Variants in NAALADL2 observed in about 807,000 individuals in gnomAD.
NAALADL2 encodes the protein N-acetylated alpha-linked acidic dipeptidase like 2.
In NAALADL2, 76 loss-of-function variants were observed where a neutral mutation model predicts 87.2. The observed-to-expected ratio is 0.87, with a 90% CI of 0.72 to 1.05. NAALADL2 has a LOEUF of 1.05. Among genes scored for constraint, NAALADL2 ranks in the 50% least tolerant of loss-of-function variants. The probability of loss-of-function intolerance (pLI) is 0.00; values close to 1 mark genes in which losing one functional copy is unlikely to be tolerated. For missense variants in NAALADL2, 1,089 were observed against 945.8 expected (o/e 1.15, Z -1.99); for synonymous variants, 354 against 331.0 (o/e 1.07, Z -0.75).
chr3:175,210,212 T>G (rs940920617), intron 2 of NAALADL2, among the ~76,000 whole-genome samples: 2 of 151,812 alleles, frequency 1.3e-5, no homozygotes, highest in Non-Finnish European at 2.9e-5. Flanking sequence ...GAAAAGAGAC[T>G]ACTCAAACTA....
At chr3:175,374,607 T>C (rs1181202084) in intron 5 of NAALADL2, among the ~76,000 whole-genome samples, 1 of 133,726 alleles carries the variant, frequency 7.5e-6, no homozygotes, top group Non-Finnish European at 1.6e-5. Context: ...AGGCCAGGTG[T>C]GGTGGCTGTA....
intron 5 of NAALADL2, among the ~76,000 whole-genome samples, chr3:175,391,196 C>G (rs151225712): frequency 6.6e-6 from 1 of 152,088 alleles, no homozygotes; most frequent in Non-Finnish European, 1.5e-5. Context: ...ATTGAGAAAC[C>G]CTTTCTCTTC....
At chr3:174,799,850 G>A (rs530236261) in intron 3 of NAALADL2, among the ~76,000 whole-genome samples, 1 of 152,298 alleles carries the variant, frequency 6.6e-6, no homozygotes, top group Non-Finnish European at 1.5e-5. Context: ...TAAGGTCCAG[G>A]ATGAGGTGGT....
intron 10 of NAALADL2, among the ~76,000 whole-genome samples, chr3:175,588,643 A>G (rs577682261): frequency 7.1e-6 from 1 of 141,038 alleles, no homozygotes; most frequent in Admixed American, 8.0e-5. Context: ...GGTTCACGCC[A>G]TTCACCTGCC....
At chr3:174,776,795 T>G (rs899729749) in intron 3 of NAALADL2, among the ~76,000 whole-genome samples, 3 of 152,184 alleles carry the variant, frequency 2.0e-5, no homozygotes, top group African/African-American at 7.2e-5. Flanking sequence ...CCATTGATTC[T>G]GTTATGAATA....
intron 9 of NAALADL2, among the ~76,000 whole-genome samples, chr3:175,491,569 G>C (rs1331198126): frequency 6.6e-6 from 1 of 152,074 alleles, no homozygotes; most frequent in Non-Finnish European, 1.5e-5. Flanking sequence ...GTTATTTACT[G>C]TTTCATTTAT....
intron 1 of NAALADL2, among the ~76,000 whole-genome samples, chr3:175,066,564 T>C (rs1406898946): frequency 6.6e-6 from 1 of 152,154 alleles, no homozygotes; most frequent in Admixed American, 6.6e-5. Context: ...TTGTGGCTGT[T>C]ACACAACTGC....
intron 10 of NAALADL2, among the ~76,000 whole-genome samples, chr3:175,588,696 A>G (rs1382172898): frequency 6.6e-6 from 1 of 151,456 alleles, no homozygotes; most frequent in Non-Finnish European, 1.5e-5. Flanking sequence ...CTGCCACCAC[A>G]CCTGGCTAAT....
chr3:175,426,085 C>T (rs905438099), intron 5 of NAALADL2, among the ~76,000 whole-genome samples: 5 of 152,062 alleles, frequency 3.3e-5, no homozygotes, highest in Admixed American at 6.6e-5. Context: ...GACTTATGGC[C>T]GGGTGCAGTG....
At chr3:175,330,514 C>G (rs1329834702) in intron 5 of NAALADL2, among the ~76,000 whole-genome samples, 5 of 151,516 alleles carry the variant, frequency 3.3e-5, no homozygotes, top group African/African-American at 1.2e-4. Context: ...AAATCAATAA[C>G]AAGAGGAATT....
chr3:174,512,543 C>T (rs961340162), intron 1 of NAALADL2, among the ~76,000 whole-genome samples: 7 of 152,150 alleles, frequency 4.6e-5, no homozygotes, highest in African/African-American at 1.2e-4. Context: ...ACTCACACGT[C>T]GGCAGATCAA....
Position 175,119,692 on chromosome 3 carries a change from T to TATAG in NAALADL2, c.545+22404_545+22405insGATA, listed in dbSNP as rs374637601. Among the ~76,000 whole-genome samples, 109 of 145,324 alleles carry TATAG rather than the reference T, an allele frequency of 7.5e-4. No individual in the cohort carries two copies. The East Asian group carries it at 0.017, about 23-fold the overall frequency. On this transcript the variant is annotated intron_variant, in intron 2 of 13. Coordinates refer to ENST00000454872, the MANE Select transcript of NAALADL2 (RefSeq NM_207015.3). ...GAGGAGTCACTTAGTAAGGTGTGTA[T>TATAG]ATATAGATATAGATATAGATATATA... is the stretch of plus-strand genomic sequence containing the variant.
At chr3:174,850,056 C>A (rs926025590) in intron 3 of NAALADL2, among the ~76,000 whole-genome samples, 1 of 152,112 alleles carries the variant, frequency 6.6e-6, no homozygotes, top group African/African-American at 2.4e-5. Context: ...GAGTGAAGAA[C>A]TTCCTTAGCA....
intron 3 of NAALADL2, among the ~76,000 whole-genome samples, chr3:175,245,460 C>G (rs1011922932): frequency 6.6e-6 from 1 of 152,080 alleles, no homozygotes; most frequent in Non-Finnish European, 1.5e-5. Context: ...ATAATTTTAA[C>G]TTTTTTTGTC....
At chr3:175,616,175 G>A (rs111376565) in intron 10 of NAALADL2, among the ~76,000 whole-genome samples, 7 of 146,972 alleles carry the variant, frequency 4.8e-5, no homozygotes, top group South Asian at 2.1e-4. Context: ...ATATAAATGT[G>A]TCTATATTTT....
intron 2 of NAALADL2, among the ~76,000 whole-genome samples, chr3:175,218,785 T>TATTTA (rs1710324150): frequency 6.6e-6 from 1 of 151,664 alleles, no homozygotes; most frequent in African/African-American, 2.4e-5. Flanking sequence ...TTCATTTCAT[T>TATTTA]ATTTTATTTT....
chr3:174,861,021 G>C (rs935722425), intron 1 of NAALADL2, among the ~76,000 whole-genome samples: 2 of 152,064 alleles, frequency 1.3e-5, no homozygotes, highest in African/African-American at 2.4e-5. Flanking sequence ...TGTGCTTTAA[G>C]TTCAAGAACA....
At chr3:174,799,241 T>C (rs1718515107) in intron 3 of NAALADL2, among the ~76,000 whole-genome samples, 1 of 152,152 alleles carries the variant, frequency 6.6e-6, no homozygotes, top group Non-Finnish European at 1.5e-5. Context: ...GCCTAGTTGT[T>C]CTGGCTAGAA....
chr3:174,519,522 G>C (rs568377038), intron 1 of NAALADL2, among the ~76,000 whole-genome samples: 11 of 151,758 alleles, frequency 7.2e-5, no homozygotes, highest in Non-Finnish European at 1.6e-4. Flanking sequence ...GTAGAGACAG[G>C]GTTTCTCCAT....
Sources: gnomAD v4.1 joint callset for allele counts (sites outside exome capture counted in the v4.1 genomes callset) on GRCh38, gnomAD v4.1.1 for gene constraint, MANE v1.5 for transcripts, NCBI Gene and HGNC (gene_info 2026-07-23, HGNC 2026-07-21) for gene names.